SYT16: variants seen among roughly 807,000 people sequenced by gnomAD.
SYT16 encodes the protein synaptotagmin 16, also known as synaptotagmin-16.
In SYT16, 42 loss-of-function variants were observed where a neutral mutation model predicts 61.4. The ratio of observed to expected loss-of-function variants is 0.68; its 90% CI spans 0.53 to 0.89. The LOEUF is 0.89. SYT16 is among the 40% of genes least tolerant of loss of function. SYT16 has a pLI of 0.00. For synonymous variants in SYT16, 314 were observed against 302.3 expected (o/e 1.04, Z -0.40); for missense variants, 804 against 807.3 (o/e 1.00, Z 0.05).
intron 1 of SYT16, among the ~76,000 whole-genome samples, chr14:61,884,131 C>G (rs932920008): frequency 7.9e-5 from 12 of 152,140 alleles, no homozygotes; most frequent in Non-Finnish European, 1.5e-5. Flanking sequence ...AACTACACAC[C>G]CATCAGTGGC....
At chr14:61,861,597 GTT>G (rs2046966822) in intron 1 of SYT16, among the ~76,000 whole-genome samples, 1 of 152,106 alleles carries the variant, frequency 6.6e-6, no homozygotes, top group African/African-American at 2.4e-5. Flanking sequence ...TAGAAAGGGG[GTT>G]TTGGCATGTT....
At chr14:62,046,347 A>C (rs1187234826) in intron 3 of SYT16, among the ~76,000 whole-genome samples, 1 of 151,878 alleles carries the variant, frequency 6.6e-6, no homozygotes, top group African/African-American at 2.4e-5. Flanking sequence ...TAGATTCTGG[A>C]TATTAGCCCT....
intron 6 of SYT16, among the ~76,000 whole-genome samples, chr14:62,083,766 G>A (rs1234442537): frequency 6.6e-6 from 1 of 152,134 alleles, no homozygotes; most frequent in Non-Finnish European, 1.5e-5. Context: ...CTCCTGTATT[G>A]CCATATTCAT....
At chr14:62,098,986 A>T (rs1288273653) in intron 7 of SYT16, among the ~76,000 whole-genome samples, 1 of 152,154 alleles carries the variant, frequency 6.6e-6, no homozygotes, top group Non-Finnish European at 1.5e-5. Flanking sequence ...TGTACAGATG[A>T]GACAGGGAAA....
chr14:61,816,793 C>T (rs1011276995), intron 1 of SYT16, among the ~76,000 whole-genome samples: 2 of 151,760 alleles, frequency 1.3e-5, no homozygotes, highest in East Asian at 1.9e-4. Flanking sequence ...GGACGGATCA[C>T]GAGGTCAGGA....
At chr14:61,942,077 A>G (rs1045862995) in intron 1 of SYT16, among the ~76,000 whole-genome samples, 3 of 152,246 alleles carry the variant, frequency 2.0e-5, no homozygotes, top group Non-Finnish European at 2.9e-5. Context: ...ATAATTTACA[A>G]GTTTCAGATG....
intron 1 of SYT16, among the ~76,000 whole-genome samples, chr14:61,833,861 G>A (rs1404481960): frequency 6.6e-6 from 1 of 151,564 alleles, no homozygotes; most frequent in African/African-American, 2.4e-5. Flanking sequence ...CTTTATTCCT[G>A]CAGGGAGTTG....
intron 3 of SYT16, among the ~76,000 whole-genome samples, chr14:62,015,866 C>T (rs547262259): frequency 1.3e-5 from 2 of 152,298 alleles, no homozygotes; most frequent in East Asian, 3.9e-4. Flanking sequence ...TTATAGCAGC[C>T]TGAACGAACT....
chr14:62,101,218 T>C lies in SYT16; in HGVS notation c.*511T>C, dbSNP rs1261442646. 6.5e-6 allele frequency: 1 copy of C among 152,736 alleles called. No individual in the cohort carries two copies. The highest frequency in any genetic ancestry group is 2.4e-5 in the African/African-American group (1 of 41,466). 9.5% of individuals were successfully genotyped at this position (152,736 alleles called of 1,614,324 possible). A position where few individuals can be genotyped will look rare whatever the true frequency, so the allele number is the denominator to read the frequency against. On this transcript the variant is annotated 3_prime_UTR_variant, in exon 8 of 8. Transcript: ENST00000683842. ...AACTCTTATTTCACATTTTTCTCTT[T>C]ATCAAAGAAACCTATTTACCTAACG...
intron 3 of SYT16, among the ~76,000 whole-genome samples, chr14:62,039,840 C>CACACACACAA (rs2054649077): frequency 1.1e-5 from 1 of 93,164 alleles, no homozygotes; most frequent in South Asian, 3.6e-4. Context: ...AGCATACACA[C>CACACACACAA]ACACACACAC....
intron 1 of SYT16, among the ~76,000 whole-genome samples, chr14:61,908,471 A>G (rs1456240503): frequency 6.6e-6 from 1 of 152,210 alleles, no homozygotes; most frequent in Non-Finnish European, 1.5e-5. Flanking sequence ...ACACTGGATT[A>G]TATCACGTCG....
intron 3 of SYT16, among the ~76,000 whole-genome samples, chr14:62,015,542 T>C (rs1052449113): frequency 3.3e-5 from 5 of 152,128 alleles, no homozygotes; most frequent in Non-Finnish European, 7.4e-5. Context: ...TGAAGGTTTT[T>C]GTGTCTCCTC....
At chr14:62,051,179 C>G (rs2055272520) in intron 3 of SYT16, among the ~76,000 whole-genome samples, 1 of 152,222 alleles carries the variant, frequency 6.6e-6, no homozygotes, top group African/African-American at 2.4e-5. Context: ...GGCAGGCGCC[C>G]CTCCCCCAGC....
At chr14:61,951,676 A>C (rs535162923) in intron 1 of SYT16, among the ~76,000 whole-genome samples, 1 of 152,036 alleles carries the variant, frequency 6.6e-6, no homozygotes, top group African/African-American at 2.4e-5. Context: ...AAATTGCCCC[A>C]TTGACTCAAC....
chr14:62,012,689 C>T (rs1324696257), intron 3 of SYT16, among the ~76,000 whole-genome samples: 1 of 152,172 alleles, frequency 6.6e-6, no homozygotes, highest in East Asian at 1.9e-4. Context: ...TACATGCCTT[C>T]ATGTGAGTTA....
chr14:61,887,308 G>A (rs922124309), intron 1 of SYT16, among the ~76,000 whole-genome samples: 2 of 152,152 alleles, frequency 1.3e-5, no homozygotes, highest in Admixed American at 1.3e-4. Context: ...AGGCTTTGTT[G>A]TTTTATTTCT....
At chr14:61,822,629 TG>T (rs2045651915) in intron 1 of SYT16, among the ~76,000 whole-genome samples, 2 of 152,214 alleles carry the variant, frequency 1.3e-5, no homozygotes, top group Admixed American at 1.3e-4. Flanking sequence ...GGGTAATTTT[TG>T]GTGTTTGAGC....
chr14:61,933,338 T>G (rs2049851281), intron 1 of SYT16, among the ~76,000 whole-genome samples: 1 of 152,210 alleles, frequency 6.6e-6, no homozygotes, highest in African/African-American at 2.4e-5. Context: ...AGGTCTCACT[T>G]AGTGTCCCTA....
chr14:61,944,431 T>C (rs568711030), intron 1 of SYT16, among the ~76,000 whole-genome samples: 1 of 152,082 alleles, frequency 6.6e-6, no homozygotes, highest in African/African-American at 2.4e-5. Flanking sequence ...GCCAAGACAA[T>C]CCTGAGCAAA....
Sources: gnomAD v4.1 joint callset for allele counts (sites outside exome capture counted in the v4.1 genomes callset) on GRCh38, gnomAD v4.1.1 for gene constraint, MANE v1.5 for transcripts, NCBI Gene and HGNC (gene_info 2026-07-23, HGNC 2026-07-21) for gene names.